ST6GALNAC3: variants seen among roughly 807,000 people sequenced by gnomAD.
The protein encoded by ST6GALNAC3 is ST6 N-acetylgalactosaminide alpha-2,6-sialyltransferase 3.
ST6GALNAC3 carries 25 observed loss-of-function variants against 32.7 expected under a neutral mutation model. That is an observed-to-expected ratio of 0.76 (90% CI 0.56 to 1.07). ST6GALNAC3 has a LOEUF of 1.07. Ranked by LOEUF, ST6GALNAC3 falls within the 50% of genes least tolerant of loss-of-function variation. ST6GALNAC3 has a pLI of 0.00. For synonymous variants in ST6GALNAC3, 129 were observed against 133.1 expected (o/e 0.97, Z 0.21); for missense variants, 355 against 382.4 (o/e 0.93, Z 0.60).
At chr1:76,356,690 CA>C (rs1649480042) in intron 2 of ST6GALNAC3, among the ~76,000 whole-genome samples, 1 of 152,026 alleles carries the variant, frequency 6.6e-6, no homozygotes, top group African/African-American at 2.4e-5. Flanking sequence ...GAGAATACAT[CA>C]AAAAGCATTC....
intron 3 of ST6GALNAC3, among the ~76,000 whole-genome samples, chr1:76,483,394 C>CTGATT (rs1443989293): frequency 1.3e-5 from 2 of 152,136 alleles, no homozygotes; most frequent in East Asian, 3.9e-4. Flanking sequence ...TTGTTCTTTC[C>CTGATT]TGATTTTTTA....
chr1:76,457,906 CT>C (rs1657961536), intron 3 of ST6GALNAC3, among the ~76,000 whole-genome samples: 1 of 150,754 alleles, frequency 6.6e-6, no homozygotes. Context: ...AACTAAAGAG[CT>C]TCTGCACAGC....
intron 2 of ST6GALNAC3, among the ~76,000 whole-genome samples, chr1:76,369,639 C>T (rs1650660154): frequency 6.6e-6 from 1 of 152,088 alleles, no homozygotes. Flanking sequence ...GAGTCTCAGC[C>T]TCTTCCTTTC....
At chr1:76,476,239 A>C (rs1659347213) in intron 3 of ST6GALNAC3, among the ~76,000 whole-genome samples, 1 of 152,200 alleles carries the variant, frequency 6.6e-6, no homozygotes, top group African/African-American at 2.4e-5. Context: ...CTTTCTATGA[A>C]GGACCAGACA....
At chr1:76,168,134 T>G (rs190660229) in intron 1 of ST6GALNAC3, among the ~76,000 whole-genome samples, 117 of 152,300 alleles carry the variant, frequency 7.7e-4, no homozygotes, top group Admixed American at 2.4e-3. Context: ...TGCTATAAAT[T>G]TCCTTCTTAA....
chr1:76,251,409 A>G (rs1481963261), intron 1 of ST6GALNAC3, among the ~76,000 whole-genome samples: 1 of 152,090 alleles, frequency 6.6e-6, no homozygotes, highest in East Asian at 1.9e-4. Context: ...CAGTGCCTGG[A>G]GAATAAGGTC....
intron 3 of ST6GALNAC3, among the ~76,000 whole-genome samples, chr1:76,616,743 T>TA (rs554928091): frequency 0.011 from 1,690 of 150,546 alleles, 25 homozygotes; most frequent in African/African-American, 0.036. Flanking sequence ...GAGCCTGATT[T>TA]AAAAAAAAAA....
At chr1:76,098,813 A>G (rs896932694) in intron 1 of ST6GALNAC3, among the ~76,000 whole-genome samples, 3 of 152,140 alleles carry the variant, frequency 2.0e-5, no homozygotes, top group Admixed American at 2.0e-4. Context: ...TACAATTAAT[A>G]ATTGTTAAAA....
chr1:76,181,451 C>T (rs1653173169), intron 1 of ST6GALNAC3, among the ~76,000 whole-genome samples: 1 of 151,970 alleles, frequency 6.6e-6, no homozygotes, highest in Admixed American at 6.6e-5. Flanking sequence ...TGTAAATTTT[C>T]CCATTGTTCT....
intron 1 of ST6GALNAC3, among the ~76,000 whole-genome samples, chr1:76,082,984 G>A (rs1478766271): frequency 1.3e-5 from 2 of 151,656 alleles, no homozygotes; most frequent in South Asian, 2.1e-4. Context: ...GAAAACTATC[G>A]CACGTAAAAT....
chr1:76,315,000 G>A (rs1341907051), intron 2 of ST6GALNAC3, among the ~76,000 whole-genome samples: 1 of 152,012 alleles, frequency 6.6e-6, no homozygotes, highest in African/African-American at 2.4e-5. Context: ...TCATATCTGA[G>A]TCATTGCTTC....
In ST6GALNAC3 at chr1:76,631,840, G is replaced by T. The variant is rs1209890268; in HGVS notation, c.*3034G>T. 6.6e-6 allele frequency: 1 copy of T among 151,950 alleles called. No homozygotes were observed. Among genetic ancestry groups the T allele is most frequent in the Admixed American group, 6.6e-5 (1 of 15,250 alleles). 9.4% of individuals were successfully genotyped at this position (151,950 alleles called of 1,614,324 possible). A position where few individuals can be genotyped will look rare whatever the true frequency, so the allele number is the denominator to read the frequency against. On this transcript the variant is annotated 3_prime_UTR_variant, in exon 5 of 5. Transcript: ENST00000328299. ...CTGTTATGCATAATTCTATGAAAAA[G>T]CAAGGTAATTTAAAAAGAGTTTTAA...
rs140466155 is a variant in ST6GALNAC3 at position 76,083,802 on chromosome 1, G to A, written c.18+8918G>A. On this transcript the variant is annotated intron_variant, in intron 1 of 4. Coordinates refer to ENST00000328299, the MANE Select transcript of ST6GALNAC3 (RefSeq NM_152996.4). ...TTTTTACAAACAGTTCTTAAAACTC[G>A]GTGTACGTTTTACACTTATAGCATC... Among the ~76,000 whole-genome samples the A allele has an allele frequency of 7.6e-4, 115 of 151,636 alleles. 4 individuals are homozygous for A. Among genetic ancestry groups the A allele is most frequent in the African/African-American group, 2.7e-3 (111 of 41,320 alleles).
intron 2 of ST6GALNAC3, among the ~76,000 whole-genome samples, chr1:76,350,996 A>G (rs375623434): frequency 1.3e-5 from 2 of 152,198 alleles, no homozygotes; most frequent in South Asian, 2.1e-4. Flanking sequence ...ACTAAGTACA[A>G]AAGTTCAGAG....
intron 3 of ST6GALNAC3, among the ~76,000 whole-genome samples, chr1:76,551,739 C>A (rs987428792): frequency 6.6e-6 from 1 of 152,108 alleles, no homozygotes; most frequent in Non-Finnish European, 1.5e-5. Context: ...AAACTATAGT[C>A]ATCATACTCT....
Position 76,249,217 on chromosome 1 carries a change from C to A in ST6GALNAC3, c.19-64588C>A, listed in dbSNP as rs778005105. 5.3e-5 allele frequency among the ~76,000 whole-genome samples: 8 copies of A among 152,266 alleles called. No homozygotes were observed. The South Asian group carries it at 1.5e-3, about 28-fold the overall frequency. On this transcript the variant is annotated intron_variant, in intron 1 of 4. Transcript: ENST00000328299. ...CTCTTTAATTGCTTTATTTCTTCAA[C>A]CTTCTACAAACTAAGTATCTATTAA... is the stretch of plus-strand genomic sequence containing the variant.
At chr1:76,375,790 AT>A (rs1355318462) in intron 2 of ST6GALNAC3, among the ~76,000 whole-genome samples, 10 of 152,240 alleles carry the variant, frequency 6.6e-5, no homozygotes, top group Non-Finnish European at 1.3e-4. Context: ...ATCAGGATTT[AT>A]TCATAAAATG....
chr1:76,283,763 G>A (rs1305852829), intron 1 of ST6GALNAC3, among the ~76,000 whole-genome samples: 1 of 152,160 alleles, frequency 6.6e-6, no homozygotes, highest in East Asian at 1.9e-4. Flanking sequence ...AGAAATACAG[G>A]CATCAACTTT....
chr1:76,373,187 A>G (rs528735847), intron 2 of ST6GALNAC3, among the ~76,000 whole-genome samples: 5 of 152,284 alleles, frequency 3.3e-5, no homozygotes, highest in Non-Finnish European at 7.4e-5. Context: ...GCTTTGAAGT[A>G]GCATCATTTG....
Sources: gnomAD v4.1 joint callset for allele counts (sites outside exome capture counted in the v4.1 genomes callset) on GRCh38, gnomAD v4.1.1 for gene constraint, MANE v1.5 for transcripts, NCBI Gene and HGNC (gene_info 2026-07-23, HGNC 2026-07-21) for gene names.